The following IL1RAPL2 variants were observed in gnomAD, a reference collection of about 807,000 sequenced individuals.
IL1RAPL2 encodes the protein X-linked interleukin-1 receptor accessory protein-like 2.
In IL1RAPL2, 3 loss-of-function variants were observed where a neutral mutation model predicts 44.1. That is an observed-to-expected ratio of 0.07 (90% CI 0.03 to 0.18). IL1RAPL2 has a LOEUF of 0.18. Ranked by LOEUF, IL1RAPL2 falls within the 10% of genes least tolerant of loss-of-function variation. IL1RAPL2 has a pLI of 1.00. For synonymous variants in IL1RAPL2, 181 were observed against 178.8 expected (o/e 1.01, Z -0.10); for missense variants, 391 against 496.4 (o/e 0.79, Z 2.02).
intron 2 of IL1RAPL2, among the ~76,000 whole-genome samples, chrX:104,725,438 A>G (rs2147567014): frequency 8.9e-6 from 1 of 111,885 alleles, no homozygotes; most frequent in South Asian, 3.7e-4. Context: ...TTCTGGTTCT[A>G]GATCCTTGAG....
intron 2 of IL1RAPL2, among the ~76,000 whole-genome samples, chrX:105,096,458 A>G (rs965498639): frequency 8.9e-6 from 1 of 112,712 alleles, no homozygotes; most frequent in Non-Finnish European, 1.9e-5. Flanking sequence ...ATGTCCATCA[A>G]CTTATGAGTG....
intron 5 of IL1RAPL2, among the ~76,000 whole-genome samples, chrX:105,328,143 C>T (rs1013526409): frequency 5.4e-5 from 6 of 111,464 alleles, no homozygotes; most frequent in Non-Finnish European, 9.4e-5. Context: ...GAGTACTTTC[C>T]AGGGCAAAGA....
intron 6 of IL1RAPL2, among the ~76,000 whole-genome samples, chrX:105,547,837 T>G (rs995402021): frequency 7.1e-5 from 8 of 112,540 alleles, no homozygotes; most frequent in Non-Finnish European, 1.3e-4. Context: ...CAAGCCTAGC[T>G]TCAAGATGGA....
At chrX:104,685,393 A>C in intron 2 of IL1RAPL2, among the ~76,000 whole-genome samples, 1 of 112,041 alleles carries the variant, frequency 8.9e-6, no homozygotes, top group Non-Finnish European at 1.9e-5. Flanking sequence ...TTTCTGTGTA[A>C]TGTGGGTACC....
chrX:105,367,977 A>T (rs57581275), intron 5 of IL1RAPL2, among the ~76,000 whole-genome samples: 13,643 of 108,735 alleles, frequency 0.13, 2,240 homozygotes, highest in African/African-American at 0.44. Context: ...GTTTTTTTTT[A>T]ATCTCCCCTT....
At chrX:105,047,983 A>G (rs987985305) in intron 2 of IL1RAPL2, among the ~76,000 whole-genome samples, 2 of 111,748 alleles carry the variant, frequency 1.8e-5, no homozygotes, top group South Asian at 3.8e-4. Flanking sequence ...ATGGTGACTC[A>G]ACAGCCTGAA....
chrX:105,088,821 G>A (rs1266419931), intron 2 of IL1RAPL2, among the ~76,000 whole-genome samples: 1 of 111,065 alleles, frequency 9.0e-6, no homozygotes, highest in Non-Finnish European at 1.9e-5. Context: ...CTACTTTAAG[G>A]AGAAGAAAAA....
chrX:105,556,897 C>T (rs2036900560), intron 6 of IL1RAPL2, among the ~76,000 whole-genome samples: 1 of 111,474 alleles, frequency 9.0e-6, no homozygotes, highest in Non-Finnish European at 1.9e-5. Context: ...TATAAGGAAA[C>T]ATGAGACAGC....
At chrX:105,403,041 A>G (rs2035616901) in intron 5 of IL1RAPL2, among the ~76,000 whole-genome samples, 1 of 112,055 alleles carries the variant, frequency 8.9e-6, no homozygotes, top group African/African-American at 3.2e-5. Flanking sequence ...CATAGTGGAG[A>G]GAATGGAACC....
intron 2 of IL1RAPL2, among the ~76,000 whole-genome samples, chrX:105,074,255 C>G (rs771066285): frequency 3.6e-5 from 4 of 111,925 alleles, no homozygotes; most frequent in East Asian, 5.6e-4. Context: ...CAGCTTTCTA[C>G]TCATGGCTAG....
At chrX:104,855,008 A>C (rs2147644181) in intron 2 of IL1RAPL2, among the ~76,000 whole-genome samples, 1 of 112,251 alleles carries the variant, frequency 8.9e-6, no homozygotes, top group South Asian at 3.7e-4. Context: ...TCCTCAGTGG[A>C]AAGTCATCAC....
At chrX:104,613,620 T>C (rs959096253) in intron 1 of IL1RAPL2, among the ~76,000 whole-genome samples, 1 of 110,679 alleles carries the variant, frequency 9.0e-6, no homozygotes, top group Non-Finnish European at 1.9e-5. Context: ...TACTTGTCTG[T>C]AGTTTTTTGT....
At chrX:104,584,932 T>G (rs1406148312) in intron 1 of IL1RAPL2, among the ~76,000 whole-genome samples, 2 of 108,515 alleles carry the variant, frequency 1.8e-5, no homozygotes, top group East Asian at 5.8e-4. Flanking sequence ...TATTTTAAAA[T>G]TTTTTCTTTT....
intron 2 of IL1RAPL2, among the ~76,000 whole-genome samples, chrX:104,671,104 G>A (rs774525233): frequency 3.6e-4 from 40 of 110,268 alleles, no homozygotes; most frequent in Non-Finnish European, 6.6e-4. Flanking sequence ...TAGGTACTAT[G>A]CTAATTTTTA....
At position 104,692,712 on chromosome X, in the gene IL1RAPL2, T is replaced by G. The variant is rs1425315985; in HGVS notation, c.82+33717T>G. Among the ~76,000 whole-genome samples the G allele has an allele frequency of 2.7e-5, 3 of 111,819 alleles. No individual in the cohort carries two copies. In the Admixed American group the frequency reaches 2.9e-4, roughly 11 times the overall value. On this transcript the variant is annotated intron_variant, in intron 2 of 10. Transcript: ENST00000372582. ...TGGCTGCACAGTATTCCATGGTGTA[T>G]ATGTGCCACATTTTCTTAATCCAAT...
chrX:105,717,184 A>G (rs189578398), intron 6 of IL1RAPL2, among the ~76,000 whole-genome samples, 183 bp from the exon 7 acceptor site: 1 of 112,282 alleles, frequency 8.9e-6, no homozygotes, highest in East Asian at 2.8e-4. Flanking sequence ...TTTGAATTTA[A>G]GTTTTTTTCT....
intron 2 of IL1RAPL2, among the ~76,000 whole-genome samples, chrX:104,890,532 A>T (rs1269588382): frequency 8.9e-6 from 1 of 112,094 alleles, no homozygotes; most frequent in Admixed American, 9.4e-5. Flanking sequence ...TTTGATTTGC[A>T]TTTCTCTGAT....
chrX:105,516,401 C>T (rs2036514340), intron 6 of IL1RAPL2, among the ~76,000 whole-genome samples: 1 of 111,680 alleles, frequency 9.0e-6, no homozygotes, highest in African/African-American at 3.3e-5. Context: ...AAGAATTTGC[C>T]CATGATTACA....
chrX:105,365,907 G>A (rs2035290400), intron 5 of IL1RAPL2, among the ~76,000 whole-genome samples: 1 of 108,916 alleles, frequency 9.2e-6, no homozygotes, highest in African/African-American at 3.4e-5. Context: ...CTCTTGAGTA[G>A]CTGGGACTAC....
Sources: gnomAD v4.1 joint callset for allele counts (sites outside exome capture counted in the v4.1 genomes callset) on GRCh38, gnomAD v4.1.1 for gene constraint, MANE v1.5 for transcripts, NCBI Gene and HGNC (gene_info 2026-07-23, HGNC 2026-07-21) for gene names.